The following LAMA3 variants were observed in gnomAD, a reference collection of about 807,000 sequenced individuals.
LAMA3 encodes laminin subunit alpha 3, also known as laminin subunit alpha-3.
A neutral mutation model predicts 402.0 loss-of-function variants in LAMA3; 281 were observed. The observed-to-expected ratio is 0.70, with a 90% CI of 0.63 to 0.77. LAMA3 has a LOEUF of 0.77. LAMA3 is among the 30% of genes least tolerant of loss of function. The pLI is 0.00. For synonymous variants in LAMA3, 1,431 were observed against 1,558.4 expected, an observed-to-expected ratio of 0.92 and a Z score of 1.93; for missense variants, 3,840 against 4,215.5, an observed-to-expected ratio of 0.91 and a Z score of 2.47.
In LAMA3 at chr18:23,758,529, G is replaced by A. The variant is rs749258933; in HGVS notation, c.1063+18G>A. ...GTGTGAAGGTGGGTGTGGGGATGGG[G>A]TGGGGGCCACACGTGGCCTTCTCCC... On this transcript the variant is annotated intron_variant, in intron 7 of 74. Transcript: ENST00000313654. The A allele has an allele frequency of 1.9e-6, 3 of 1,567,980 alleles. No homozygotes were observed. Among genetic ancestry groups the A allele is most frequent in the Admixed American group, 1.8e-5 (1 of 56,502 alleles).
At position 23,933,791 on chromosome 18, in the gene LAMA3, G is replaced by A; in HGVS notation, c.8718G>A (p.Leu2906=). 1 of 1,614,126 alleles carries A rather than the reference G, an allele frequency of 6.2e-7. No homozygotes were observed. Among genetic ancestry groups the A allele is most frequent in the Admixed American group, 1.7e-5 (1 of 60,024 alleles). The change falls in exon 67 of 75, where the codon CTG becomes CTA. Residue 2906 remains leucine, a synonymous_variant. Transcript: ENST00000313654. ...ISNVFVQRLS[L]SPEVLDLTSN... is the part of the protein sequence containing the mutation. ...TCTGCTCTTTTTCCAGGTTATCACT[G>A]AGTCCTGAAGTCCTAGATTTGACCA...
At chr18:23,851,462 T>G (rs1311089324) in intron 32 of LAMA3, among the ~76,000 whole-genome samples, 5 of 152,218 alleles carry the variant, frequency 3.3e-5, no homozygotes, top group Non-Finnish European at 7.3e-5. Context: ...ACTTCTGTCC[T>G]CTGGGCCTTA....
intron 66 of LAMA3, 143 bp downstream of exon 66, chr18:23,932,434 T>C (rs1050441273): frequency 1.1e-6 from 1 of 926,254 alleles, no homozygotes; most frequent in South Asian, 1.4e-5. Context: ...AATGCCATCT[T>C]TGGCAAGATA....
At chr18:23,868,305 A>G (rs2064416398) in intron 37 of LAMA3, among the ~76,000 whole-genome samples, 1 of 152,236 alleles carries the variant, frequency 6.6e-6, no homozygotes, top group African/African-American at 2.4e-5. Flanking sequence ...TGAATTATAT[A>G]AAATGTGGAG....
chr18:23,813,553 C>CTTTTTTTTTTTTTTTTTTTTTTTTT (rs1164123647), intron 14 of LAMA3, among the ~76,000 whole-genome samples: 3 of 115,006 alleles, frequency 2.6e-5, no homozygotes, highest in Non-Finnish European at 5.2e-5. Context: ...TCTTTTCTTT[C>CTTTTTTTTTTTTTTTTTTTTTTTTT]TTTTTTTTTT....
rs1347599449 is a variant in LAMA3, at chr18:23,914,703, A to G, written c.7487A>G (p.Tyr2496Cys). 2 of 1,612,296 alleles carry G rather than the reference A, an allele frequency of 1.2e-6. No homozygotes were observed. The highest frequency in any genetic ancestry group is 2.2e-5 in the East Asian group (1 of 44,844). The change falls in exon 58 of 75, where the codon TAT becomes TGT. Residue 2496 changes from tyrosine to cysteine, a missense_variant. Tyr to Cys is a radical substitution (Grantham distance 194). Coordinates refer to ENST00000313654, the MANE Select transcript of LAMA3 (RefSeq NM_198129.4). ...TCTAAATTCATTTTAAACAGAATTT[A>G]TCAGTTTGCAAGGCTTAATTACACC... ...VMDRVKFQRI[Y>C]QFARLNYTKG...
chr18:23,942,187 T>C (rs1238475907), intron 68 of LAMA3, among the ~76,000 whole-genome samples: 1 of 152,192 alleles, frequency 6.6e-6, no homozygotes, highest in African/African-American at 2.4e-5. Flanking sequence ...CAGTAACTAT[T>C]TATCGAGTGC....
At chr18:23,938,819 A>AAGG (rs1568367712) in intron 67 of LAMA3, among the ~76,000 whole-genome samples, 1 of 151,426 alleles carries the variant, frequency 6.6e-6, no homozygotes. Flanking sequence ...CATGCTCCCC[A>AAGG]AAGGAGGGAG....
chr18:23,920,475 C>T (rs2081793533), intron 60 of LAMA3, among the ~76,000 whole-genome samples: 1 of 151,890 alleles, frequency 6.6e-6, no homozygotes, highest in South Asian at 2.1e-4. Flanking sequence ...GAGGAACCCC[C>T]AACACTGACA....
At chr18:23,894,455 T>G in intron 43 of LAMA3, 107 bp downstream of exon 43, 1 of 988,920 alleles carries the variant, frequency 1.0e-6, no homozygotes, top group Non-Finnish European at 1.6e-6. Context: ...AAAGTAAGGG[T>G]GGGAGGAGGT....
At chr18:23,896,492 A>G (rs1206520779) in intron 44 of LAMA3, among the ~76,000 whole-genome samples, 10 of 152,150 alleles carry the variant, frequency 6.6e-5, no homozygotes, top group African/African-American at 2.2e-4. Context: ...GTCCTTTTAA[A>G]TGTGTTGAGG....
chr18:23,894,910 G>T lies in LAMA3; in HGVS notation c.5465G>T (p.Cys1822Phe). 1 of 1,614,178 alleles carries T rather than the reference G, an allele frequency of 6.2e-7. No individual in the cohort carries two copies. Among genetic ancestry groups the T allele is most frequent in the Non-Finnish European group, 8.5e-7 (1 of 1,180,034 alleles). Residue 1822 changes from cysteine (C) to phenylalanine (F), a missense_variant, in exon 44 of 75, where the codon TGC (cysteine) becomes TTC (phenylalanine). Coordinates refer to ENST00000313654, the MANE Select transcript of LAMA3 (RefSeq NM_198129.4). The stretch of plus-strand genomic sequence containing the variant: ...CCTTTGATTGTGGCCCCTACAGATT[G>T]CGACAGCTGTGTGATGACCCTCCTG... ...DSSPAEECDD[C>F]DSCVMTLLND... is the part of the protein sequence containing the mutation.
At position 23,878,496 on chromosome 18, in the gene LAMA3, T is replaced by TCACACAAACACGCA. The variant is rs1183641750; in HGVS notation, c.5112+2095_5112+2096insAACACGCACACACA. On this transcript the variant is annotated intron_variant, in intron 39 of 74. Transcript: ENST00000313654. ...GCAATGTGTATGTGTGTACACACACTCACACACACACGCACACACACACGG... is the reference window on the plus strand; with the variant it reads ...GCAATGTGTATGTGTGTACACACACTCACACAAACACGCACACACACACACGCACACACACACGG... Among the ~76,000 whole-genome samples, 4 of 152,222 alleles carry TCACACAAACACGCA rather than the reference T, an allele frequency of 2.6e-5. No individual in the cohort carries two copies. In the East Asian group the frequency reaches 5.8e-4, roughly 22 times the overall value.
chr18:23,773,571 C>T lies in LAMA3; in HGVS notation c.1257C>T (p.Ala419=). ...YYRPYGVPVD[A]PDGCIPCSCD... ...GCCCTTATGGGGTTCCAGTGGATGC[C>T]CCTGATGGCTGCATCCGTAAGTTTC... The change falls in exon 9 of 75, where the codon GCC becomes GCT. Residue 419 remains alanine, a synonymous_variant. Coordinates refer to ENST00000313654, the MANE Select transcript of LAMA3 (RefSeq NM_198129.4). The T allele has an allele frequency of 6.3e-7, 1 of 1,586,430 alleles. No individual in the cohort carries two copies. Among genetic ancestry groups the T allele is most frequent in the African/African-American group, 1.3e-5 (1 of 74,526 alleles).
intron 21 of LAMA3, 60 bp from the exon 22 acceptor site, chr18:23,826,642 C>A: frequency 8.1e-7 from 1 of 1,227,810 alleles, no homozygotes; most frequent in Non-Finnish European, 1.2e-6. Flanking sequence ...TGATTATTTT[C>A]TATCCAAAGT....
At position 23,879,121 on chromosome 18, in the gene LAMA3, C is replaced by T. The variant is rs2064817580; in HGVS notation, c.5112+2714C>T. On this transcript the variant is annotated intron_variant, in intron 39 of 74. Coordinates refer to ENST00000313654, the MANE Select transcript of LAMA3 (RefSeq NM_198129.4). This position sits in a 1 kb window ranked among gnomAD's most constrained non-coding sequence, Gnocchi z 4.2. ...TTCTGCTACTTGAGCCCATCTTCCC[C>T]TCTGCAGTTGCAATGGAATTTCCAA... Among the ~76,000 whole-genome samples, 1 of 152,110 alleles carries T rather than the reference C, an allele frequency of 6.6e-6. No individual in the cohort carries two copies. The highest frequency in any genetic ancestry group is 2.4e-5 in the African/African-American group (1 of 41,402).
At chr18:23,783,046 T>C (rs1161323581) in intron 11 of LAMA3, among the ~76,000 whole-genome samples, 2 of 152,134 alleles carry the variant, frequency 1.3e-5, no homozygotes, top group Non-Finnish European at 2.9e-5. Context: ...GTGGGTTGGC[T>C]GGGCGGGTCT....
At chr18:23,802,162 A>G (rs1224609369) in intron 12 of LAMA3, among the ~76,000 whole-genome samples, 2 of 152,258 alleles carry the variant, frequency 1.3e-5, no homozygotes, top group African/African-American at 4.8e-5. Flanking sequence ...GATTTTGAAT[A>G]TTCAAATTTG....
chr18:23,861,558 G>A (rs2064221745), intron 34 of LAMA3, 88 bp from the exon 35 acceptor site: 5 of 1,478,852 alleles, frequency 3.4e-6, no homozygotes, highest in Admixed American at 1.7e-5. Context: ...GCTGCCCGTG[G>A]AGCTTTCTGT....
Sources: allele counts gnomAD v4.1 joint callset (sites outside exome capture counted in the v4.1 genomes callset), GRCh38; gene constraint gnomAD v4.1.1; non-coding constraint Gnocchi (gnomAD v3.1); transcripts MANE v1.5; gene names NCBI Gene and HGNC (gene_info 2026-07-23, HGNC 2026-07-21).